The following SCHIP1 variants were observed in gnomAD, a reference collection of about 807,000 sequenced individuals.
SCHIP1 encodes the protein schwannomin interacting protein 1, also known as schwannomin-interacting protein 1.
A neutral mutation model predicts 29.7 loss-of-function variants in SCHIP1; 8 were observed. The ratio of observed to expected loss-of-function variants is 0.27; its 90% confidence interval spans 0.16 to 0.49. SCHIP1 has a LOEUF of 0.49. SCHIP1 is among the 20% of genes least tolerant of loss of function. The pLI is 0.99. For synonymous variants in SCHIP1, 76 were observed against 94.9 expected (o/e 0.80, Z 1.16); for missense variants, 193 against 294.6 (o/e 0.66, Z 2.52).
the SCHIP1 span, among the ~76,000 whole-genome samples, chr3:159,798,745 G>A: frequency 2.6e-5 from 4 of 151,882 alleles, no homozygotes; most frequent in African/African-American, 7.3e-5. Context: ...GCAACAGAGT[G>A]AGACTCTGTC....
the SCHIP1 span, among the ~76,000 whole-genome samples, chr3:159,724,148 A>G: frequency 2.0e-5 from 3 of 152,154 alleles, no homozygotes; most frequent in Non-Finnish European, 4.4e-5. Flanking sequence ...AATATTTTCT[A>G]TAGGGATTGA....
the SCHIP1 span, among the ~76,000 whole-genome samples, chr3:159,281,706 AAC>A: frequency 6.6e-6 from 1 of 152,156 alleles, no homozygotes; most frequent in African/African-American, 2.4e-5. Flanking sequence ...TTTTTCAGTC[AAC>A]ACATTTTGAA....
the SCHIP1 span, among the ~76,000 whole-genome samples, chr3:159,432,155 T>A: frequency 6.6e-6 from 1 of 151,972 alleles, no homozygotes; most frequent in African/African-American, 2.4e-5. Context: ...GGATCCAAGA[T>A]AGATTGCTCT....
At chr3:159,791,428 T>G in the SCHIP1 span, among the ~76,000 whole-genome samples, 2 of 152,194 alleles carry the variant, frequency 1.3e-5, no homozygotes, top group Non-Finnish European at 2.9e-5. Flanking sequence ...ACCAGAACCT[T>G]CCCGGCAGGT....
chr3:159,405,483 G>T, the SCHIP1 span, among the ~76,000 whole-genome samples: 1 of 152,224 alleles, frequency 6.6e-6, no homozygotes, highest in Admixed American at 6.5e-5. Context: ...AAATTCTGGA[G>T]TTGAAAAATA....
the SCHIP1 span, among the ~76,000 whole-genome samples, chr3:159,436,875 C>T: frequency 6.6e-6 from 1 of 152,124 alleles, no homozygotes; most frequent in South Asian, 2.1e-4. Flanking sequence ...CTTCATGGTT[C>T]CATCAGTCTC....
At chr3:159,557,589 G>A in the SCHIP1 span, among the ~76,000 whole-genome samples, 9 of 152,208 alleles carry the variant, frequency 5.9e-5, no homozygotes, top group African/African-American at 2.2e-4. Flanking sequence ...GCCAAGGTGG[G>A]AGGACTGCTT....
the SCHIP1 span, among the ~76,000 whole-genome samples, chr3:159,725,556 C>T: frequency 1.6e-4 from 25 of 152,184 alleles, no homozygotes; most frequent in Non-Finnish European, 2.8e-4. Flanking sequence ...TGAGCCACCA[C>T]GCCTGGCCTC....
chr3:159,430,141 T>C, the SCHIP1 span, among the ~76,000 whole-genome samples: 1 of 152,180 alleles, frequency 6.6e-6, no homozygotes, highest in Admixed American at 6.6e-5. Flanking sequence ...TGATGTCTGT[T>C]CCTGAATGTG....
At chr3:159,567,719 T>G in the SCHIP1 span, among the ~76,000 whole-genome samples, 2 of 152,140 alleles carry the variant, frequency 1.3e-5, no homozygotes, top group East Asian at 3.8e-4. Flanking sequence ...CAAATATATA[T>G]TCCAAACTTG....
At chr3:159,666,674 A>G in the SCHIP1 span, among the ~76,000 whole-genome samples, 2 of 152,232 alleles carry the variant, frequency 1.3e-5, no homozygotes, top group African/African-American at 4.8e-5. Flanking sequence ...CAAAATAGAG[A>G]AATACCATAA....
chr3:159,764,891 G>A, the SCHIP1 span: 28 of 1,571,572 alleles, frequency 1.8e-5, no homozygotes, highest in Non-Finnish European at 2.3e-5. This position sits in a 1 kb window ranked among gnomAD's most constrained non-coding sequence, Gnocchi z 6.1. Flanking sequence ...GTGGCTGGCC[G>A]GCCGAGCTGT....
At chr3:159,680,110 A>G in the SCHIP1 span, among the ~76,000 whole-genome samples, 2 of 152,032 alleles carry the variant, frequency 1.3e-5, no homozygotes. Flanking sequence ...CCATTAGGAT[A>G]TAACCTCTGT....
At chr3:159,401,323 T>C in the SCHIP1 span, 1 of 945,260 alleles carries the variant, frequency 1.1e-6, no homozygotes, top group Non-Finnish European at 1.3e-6. Flanking sequence ...ATACAAACTC[T>C]ATCTTTGAGG....
chr3:159,553,691 A>G, the SCHIP1 span, among the ~76,000 whole-genome samples: 3 of 152,220 alleles, frequency 2.0e-5, no homozygotes, highest in African/African-American at 7.2e-5. Context: ...GCTCACTGCA[A>G]CCACAAATTT....
At chr3:159,655,189 G>A in the SCHIP1 span, among the ~76,000 whole-genome samples, 94 of 152,290 alleles carry the variant, frequency 6.2e-4, no homozygotes, top group South Asian at 0.019. Context: ...CTGGCATATA[G>A]CAAGTGTTTA....
the SCHIP1 span, among the ~76,000 whole-genome samples, chr3:159,747,444 T>A: frequency 2.0e-5 from 3 of 152,218 alleles, no homozygotes; most frequent in Non-Finnish European, 4.4e-5. Flanking sequence ...CAGACTTGTA[T>A]TTACATTCAT....
intron 6 of SCHIP1, 128 bp downstream of exon 7, chr3:159,892,318 G>T: frequency 9.4e-7 from 1 of 1,064,420 alleles, no homozygotes. Context: ...AGCCTTTTCT[G>T]GTGCCAGCTG....
the SCHIP1 span, among the ~76,000 whole-genome samples, chr3:159,460,859 A>C: frequency 6.6e-6 from 1 of 152,124 alleles, no homozygotes; most frequent in African/African-American, 2.4e-5. Context: ...CTTTTCATGC[A>C]CCCTAGTTTG....
Sources: allele counts gnomAD v4.1 joint callset (sites outside exome capture counted in the v4.1 genomes callset), GRCh38; gene constraint gnomAD v4.1.1; non-coding constraint Gnocchi (gnomAD v3.1); transcripts MANE v1.5; gene names NCBI Gene and HGNC (gene_info 2026-07-23, HGNC 2026-07-21).